Variants in PPP3CA observed in about 807,000 individuals in gnomAD.
PPP3CA encodes CAM-PRP catalytic subunit.
Under a neutral mutation model 66.5 loss-of-function variants are expected in PPP3CA, and 14 were observed. The observed-to-expected ratio is 0.21, with a 90% CI of 0.14 to 0.33. PPP3CA has a LOEUF of 0.33. Ranked by LOEUF, PPP3CA falls within the 10% of genes least tolerant of loss-of-function variation. The pLI, the probability that PPP3CA is intolerant of heterozygous loss-of-function variation, is 1.00. For synonymous variants in PPP3CA, 232 were observed against 226.2 expected, an observed-to-expected ratio of 1.03 and a Z score of -0.23; for missense variants, 317 against 639.5, an observed-to-expected ratio of 0.50 and a Z score of 5.44.
intron 1 of PPP3CA, among the ~76,000 whole-genome samples, chr4:101,266,074 G>C (rs945826379): frequency 2.6e-5 from 4 of 151,936 alleles, no homozygotes; most frequent in Non-Finnish European, 5.9e-5. Context: ...ACCTCAACAG[G>C]TTTATTTACT....
intron 1 of PPP3CA, among the ~76,000 whole-genome samples, chr4:101,337,096 A>G (rs1729657044): frequency 6.6e-6 from 1 of 152,240 alleles, no homozygotes; most frequent in Non-Finnish European, 1.5e-5. Context: ...GCACACATAA[A>G]GTTCACATTT....
chr4:101,160,649 G>C (rs955337747), intron 2 of PPP3CA, among the ~76,000 whole-genome samples: 2 of 151,862 alleles, frequency 1.3e-5, no homozygotes, highest in African/African-American at 4.8e-5. Flanking sequence ...CTCTCAAGTA[G>C]CAAACACCCT....
chr4:101,167,006 T>C (rs967292594), intron 2 of PPP3CA, among the ~76,000 whole-genome samples: 2 of 152,202 alleles, frequency 1.3e-5, no homozygotes, highest in African/African-American at 4.8e-5. Flanking sequence ...CAATTTAGCA[T>C]TTTGATCTGA....
chr4:101,155,541 A>G (rs1392380303), intron 2 of PPP3CA, among the ~76,000 whole-genome samples: 1 of 152,224 alleles, frequency 6.6e-6, no homozygotes, highest in African/African-American at 2.4e-5. Context: ...GAGGGTAGCT[A>G]GCCTTTAAAC....
chr4:101,318,984 A>G lies in PPP3CA; in HGVS notation c.58+27755T>C, dbSNP rs563291033. Among the ~76,000 whole-genome samples the G allele has an allele frequency of 4.8e-4, 73 of 152,200 alleles. 1 individual carries two copies. Among genetic ancestry groups the G allele is most frequent in the South Asian group, 1.0e-3 (5 of 4,826 alleles). Reference sequence around the variant, plus strand: ...CTTCTACACAGGTTTGCTCTTCTCAATGTAGGATAGCTCCATTTCTGCTGG... The same window carrying G: ...CTTCTACACAGGTTTGCTCTTCTCAGTGTAGGATAGCTCCATTTCTGCTGG... On this transcript the variant is annotated intron_variant, in intron 1 of 13. Transcript: ENST00000394854.
chr4:101,269,553 CGTGTGTGTGTGTGTGT>C (rs55721209), intron 1 of PPP3CA, among the ~76,000 whole-genome samples: 191 of 135,980 alleles, frequency 1.4e-3, no homozygotes, highest in African/African-American at 3.9e-3. Context: ...AAACAAGGAA[CGTGTGTGTGTGTGTGT>C]GTGTGTGTGT....
intron 2 of PPP3CA, among the ~76,000 whole-genome samples, chr4:101,157,653 C>A (rs1350661028): frequency 1.3e-5 from 2 of 152,150 alleles, no homozygotes; most frequent in Non-Finnish European, 2.9e-5. Context: ...GAACTCCTGT[C>A]TGGCAGAAGA....
intron 10 of PPP3CA, among the ~76,000 whole-genome samples, chr4:101,043,870 C>T (rs1311482889): frequency 6.6e-6 from 1 of 151,048 alleles, no homozygotes; most frequent in Non-Finnish European, 1.5e-5. Context: ...AGTGAAACTC[C>T]ATGTCAAAAA....
At chr4:101,284,606 T>G (rs1375057442) in intron 1 of PPP3CA, among the ~76,000 whole-genome samples, 1 of 152,114 alleles carries the variant, frequency 6.6e-6, no homozygotes, top group Non-Finnish European at 1.5e-5. Flanking sequence ...AAATATTTAT[T>G]TACTCACTAA....
Position 101,086,803 on chromosome 4 carries a change from G to A in PPP3CA, c.783-3540C>T, listed in dbSNP as rs563960306. 2.0e-5 allele frequency among the ~76,000 whole-genome samples: 3 copies of A among 152,218 alleles called. No individual in the cohort carries two copies. In the South Asian group the frequency reaches 6.2e-4, roughly 31 times the overall value. ...TCCAGCAATAGTGAATGCCTTAGGA[G>A]AGGAACACCGCTTTTTCATTTGCAT... On this transcript the variant is annotated intron_variant, in intron 6 of 13. Coordinates refer to ENST00000394854, the MANE Select transcript of PPP3CA (RefSeq NM_000944.5).
chr4:101,333,516 G>A (rs185442257), intron 1 of PPP3CA, among the ~76,000 whole-genome samples: 16 of 151,694 alleles, frequency 1.1e-4, no homozygotes, highest in East Asian at 1.9e-4. Flanking sequence ...AATTAAAATC[G>A]TCCCTGTTGA....
At chr4:101,311,908 A>G (rs1054824962) in intron 1 of PPP3CA, among the ~76,000 whole-genome samples, 9 of 152,294 alleles carry the variant, frequency 5.9e-5, no homozygotes, top group Middle Eastern at 3.4e-3. Flanking sequence ...TTTCCACTCA[A>G]GGTAGTTATG....
rs116468964 is a variant in PPP3CA at position 101,071,361 on chromosome 4, T to C, written c.956-8004A>G. ...AACATTGTTTTCCATGGAAATAATG[T>C]TATGACAGACTTTTTGACACTGTAA... On this transcript the variant is annotated intron_variant, in intron 8 of 13. Coordinates refer to ENST00000394854, the MANE Select transcript of PPP3CA (RefSeq NM_000944.5). Among the ~76,000 whole-genome samples, 1,106 of 152,298 alleles carry C rather than the reference T, an allele frequency of 7.3e-3. 14 individuals carry two copies. Among genetic ancestry groups the C allele is most frequent in the African/African-American group, 0.025 (1,057 of 41,568 alleles).
chr4:101,330,225 T>C, intron 1 of PPP3CA: 1 of 419,520 alleles, frequency 2.4e-6, no homozygotes, highest in Non-Finnish European at 4.7e-6. Context: ...GCATATGTGG[T>C]AGAAATATCA....
chr4:101,242,967 A>G (rs543279593), intron 1 of PPP3CA, among the ~76,000 whole-genome samples: 1 of 152,280 alleles, frequency 6.6e-6, no homozygotes, highest in African/African-American at 2.4e-5. Flanking sequence ...TGGGTTCTGT[A>G]AACCACTAAT....
intron 2 of PPP3CA, among the ~76,000 whole-genome samples, chr4:101,151,284 G>T (rs924332787): frequency 8.5e-5 from 13 of 152,070 alleles, no homozygotes; most frequent in African/African-American, 3.1e-4. Context: ...TTACTCTCAG[G>T]CCGGGCACGG....
intron 2 of PPP3CA, among the ~76,000 whole-genome samples, chr4:101,181,089 C>T (rs1034154279): frequency 6.6e-6 from 1 of 151,814 alleles, no homozygotes; most frequent in African/African-American, 2.4e-5. Context: ...ATAAGTGTTG[C>T]TTTGATAATT....
At chr4:101,271,462 A>C (rs1290917020) in intron 1 of PPP3CA, among the ~76,000 whole-genome samples, 1 of 152,182 alleles carries the variant, frequency 6.6e-6, no homozygotes. Flanking sequence ...AATCAGAGAA[A>C]GTAAACATAA....
At chr4:101,200,014 A>G (rs1473254483) in intron 1 of PPP3CA, among the ~76,000 whole-genome samples, 2 of 137,126 alleles carry the variant, frequency 1.5e-5, no homozygotes, top group South Asian at 2.2e-4. Flanking sequence ...TACATCTCAG[A>G]AAGATCCAGG....
Sources: gnomAD v4.1 joint callset for allele counts (sites outside exome capture counted in the v4.1 genomes callset) on GRCh38, gnomAD v4.1.1 for gene constraint, MANE v1.5 for transcripts, NCBI Gene and HGNC (gene_info 2026-07-23, HGNC 2026-07-21) for gene names.